The following CD8B2 variants were observed in gnomAD, a reference collection of about 807,000 sequenced individuals.
CD8B2 encodes T-cell surface glycoprotein CD8 beta-2 chain.
CD8B2 carries 11 observed loss-of-function variants against 23.7 expected under a neutral mutation model. The observed-to-expected ratio is 0.46, with a 90% confidence interval of 0.29 to 0.77. CD8B2 has a LOEUF of 0.77. CD8B2 is among the 30% of genes least tolerant of loss of function. The pLI is 0.09. For missense variants in CD8B2, 197 were observed against 270.5 expected, an observed-to-expected ratio of 0.73 and a Z score of 1.91; for synonymous variants, 90 against 109.3, an observed-to-expected ratio of 0.82 and a Z score of 1.10.
In CD8B2 at chr2:106,508,943, G is replaced by C. The variant is rs1186195764; in HGVS notation, c.*2003G>C. The C allele has an allele frequency of 1.4e-5, 1 of 71,912 alleles. No individual in the cohort carries two copies. Among genetic ancestry groups the C allele is most frequent in the Non-Finnish European group, 3.1e-5 (1 of 31,858 alleles). 4.5% of individuals were successfully genotyped at this position (71,912 alleles called of 1,614,324 possible). On this transcript the variant is annotated 3_prime_UTR_variant, in exon 6 of 6. Transcript: ENST00000643224. ...ATTGGCCTTAGATGCCCTGCCCCCA[G>C]ACCCAGGTGTTTTCCGTTTGCTCCA...
chr2:106,503,467 A>G (rs554437638), intron 4 of CD8B2, among the ~76,000 whole-genome samples: 1 of 152,304 alleles, frequency 6.6e-6, no homozygotes, highest in South Asian at 2.1e-4. Context: ...CATAAATCTC[A>G]GTGGTTTGCA....
chr2:106,514,045 A>T (rs1484520375), downstream of CD8B2, among the ~76,000 whole-genome samples: 1 of 150,044 alleles, frequency 6.7e-6, no homozygotes, highest in Non-Finnish European at 1.5e-5. Flanking sequence ...CTTGTGGTGT[A>T]GGGGATGAAG....
intron 5 of CD8B2, among the ~76,000 whole-genome samples, chr2:106,532,877 A>C (rs1680009346): frequency 2.0e-5 from 3 of 152,010 alleles, no homozygotes; most frequent in African/African-American, 7.3e-5. Flanking sequence ...TCATTCTTTG[A>C]CTTTGAATGT....
At chr2:106,495,487 C>T (rs955921063) in intron 2 of CD8B2, among the ~76,000 whole-genome samples, 4 of 152,008 alleles carry the variant, frequency 2.6e-5, no homozygotes, top group Admixed American at 6.6e-5. Flanking sequence ...TGCAGTGAGC[C>T]GAGATCGTGC....
chr2:106,491,676 T>C (rs1162474176), intron 2 of CD8B2, among the ~76,000 whole-genome samples: 1 of 152,120 alleles, frequency 6.6e-6, no homozygotes, highest in East Asian at 1.9e-4. Flanking sequence ...GCTTCCTGAG[T>C]AGCTGGGATT....
intron 3 of CD8B2, among the ~76,000 whole-genome samples, chr2:106,501,053 T>C (rs895813879): frequency 4.6e-5 from 7 of 152,180 alleles, no homozygotes; most frequent in African/African-American, 1.7e-4. Context: ...CAGTGCCGCC[T>C]TTTAGGGAGG....
intron 1 of CD8B2, among the ~76,000 whole-genome samples, chr2:106,489,976 G>A (rs1362235305): frequency 1.3e-5 from 2 of 151,920 alleles, no homozygotes; most frequent in East Asian, 1.9e-4. Flanking sequence ...GGTGCTTCTC[G>A]TCAGAGTCTA....
At chr2:106,506,035 T>C (rs1679498804) in intron 5 of CD8B2, among the ~76,000 whole-genome samples, 1 of 152,022 alleles carries the variant, frequency 6.6e-6, no homozygotes, top group Admixed American at 6.6e-5. Context: ...CTCAAGAGGC[T>C]GAGGTAAGAG....
At chr2:106,513,108 C>G (rs545991905), downstream of CD8B2, among the ~76,000 whole-genome samples, 1 of 151,910 alleles carries the variant, frequency 6.6e-6, no homozygotes, top group Non-Finnish European at 1.5e-5. Flanking sequence ...CCTCTGCTGG[C>G]TCCCCCACCC....
At chr2:106,496,358 G>C (rs1416455000) in intron 3 of CD8B2, 96 bp downstream of exon 3, 11 of 1,420,788 alleles carry the variant, frequency 7.7e-6, no homozygotes, top group Non-Finnish European at 1.0e-5. Context: ...CTTTCCAAGT[G>C]TCAACTCTAG....
At chr2:106,519,787 A>G (rs1160909619) in intron 5 of CD8B2, among the ~76,000 whole-genome samples, 1 of 152,238 alleles carries the variant, frequency 6.6e-6, no homozygotes, top group African/African-American at 2.4e-5. Flanking sequence ...GTGCTAAAAA[A>G]GAAAAAAATT....
downstream of CD8B2, among the ~76,000 whole-genome samples, chr2:106,511,434 G>T (rs1679628724): frequency 1.3e-5 from 2 of 152,002 alleles, no homozygotes; most frequent in African/African-American, 4.8e-5. Flanking sequence ...AGCAGCACTG[G>T]TGTTCTCCCC....
intron 3 of CD8B2, among the ~76,000 whole-genome samples, chr2:106,500,941 T>G (rs1444492199): frequency 6.6e-6 from 1 of 152,126 alleles, no homozygotes; most frequent in Non-Finnish European, 1.5e-5. Context: ...TTAGGGAATT[T>G]AAGTGAAATA....
chr2:106,528,184 T>C (rs1377194051), intron 5 of CD8B2, among the ~76,000 whole-genome samples: 1 of 152,240 alleles, frequency 6.6e-6, no homozygotes, highest in Non-Finnish European at 1.5e-5. Context: ...TTTGGAGAAA[T>C]ATCTCCTCAG....
chr2:106,510,691 C>A lies in CD8B2; in HGVS notation c.*3751C>A, dbSNP rs993376982. The A allele has an allele frequency of 6.6e-6, 1 of 152,086 alleles. No individual in the cohort carries two copies. Among genetic ancestry groups the A allele is most frequent in the Non-Finnish European group, 1.5e-5 (1 of 68,036 alleles). 9.4% of individuals were successfully genotyped at this position (152,086 alleles called of 1,614,324 possible). ...AGACTGCAGTGAGCTGTGATCACGC[C>A]ACTGCACTCCAGCCTGGGCAACACA... On this transcript the variant is annotated 3_prime_UTR_variant, in exon 6 of 6. Transcript: ENST00000643224.
downstream of CD8B2, among the ~76,000 whole-genome samples, chr2:106,513,105 T>C (rs1679668485): frequency 6.6e-6 from 1 of 151,624 alleles, no homozygotes; most frequent in South Asian, 2.1e-4. Context: ...CCTCCTCTGC[T>C]GGCTCCCCCA....
chr2:106,514,059 G>A (rs1342887446), downstream of CD8B2, among the ~76,000 whole-genome samples: 2 of 148,932 alleles, frequency 1.3e-5, no homozygotes, highest in Non-Finnish European at 3.0e-5. Context: ...GATGAAGGAG[G>A]AGAGAAGAAA....
At position 106,510,609 on chromosome 2, in the gene CD8B2, G is replaced by T. The variant is rs1679612689; in HGVS notation, c.*3669G>T. The T allele has an allele frequency of 6.6e-6, 1 of 152,098 alleles. No individual in the cohort carries two copies. 9.4% of individuals were successfully genotyped at this position (152,098 alleles called of 1,614,324 possible). On this transcript the variant is annotated 3_prime_UTR_variant, in exon 6 of 6. Coordinates refer to ENST00000643224, the MANE Select transcript of CD8B2 (RefSeq NM_001349727.2). The stretch of plus-strand genomic sequence containing the variant: ...TTTCTGGGCATGGTGGTGCTTGCCT[G>T]GAGTCCCAGCTATTAGGGAGGATGA...
chr2:106,491,034 G>A lies in CD8B2; in HGVS notation c.204G>A (p.Glu68=). The change falls in exon 2 of 6, where the codon GAG becomes GAA. Residue 68 remains glutamate (E), a synonymous_variant. Transcript: ENST00000643224. ...RQAPSSDSHH[E]FLTLWDSAKG... is the part of the protein sequence containing the mutation. ...CCCCGAGCAGTGATAGTCACCACGA[G>A]TTCCTGACCCTCTGGGATTCCGCAA... The A allele has an allele frequency of 6.2e-7, 1 of 1,613,984 alleles. No homozygotes were observed. The highest frequency in any genetic ancestry group is 1.1e-5 in the South Asian group (1 of 91,072).
Sources: allele counts gnomAD v4.1 joint callset (sites outside exome capture counted in the v4.1 genomes callset), GRCh38; gene constraint gnomAD v4.1.1; transcripts MANE v1.5; gene names NCBI Gene and HGNC (gene_info 2026-07-23, HGNC 2026-07-21).